The following KIF22 variants were observed in gnomAD, a reference collection of about 807,000 sequenced individuals.
KIF22 encodes kinesin family member 22, also known as kinesin-like protein KIF22.
In KIF22, 62 loss-of-function variants were observed where a neutral mutation model predicts 73.0. The ratio of observed to expected loss-of-function variants is 0.85; its 90% CI spans 0.69 to 1.05. The LOEUF (loss-of-function observed/expected upper bound fraction) is 1.05, where lower values mean the gene tolerates loss of function less well. Among genes scored for constraint, KIF22 ranks in the 50% least tolerant of loss-of-function variants. The probability of loss-of-function intolerance (pLI) is 0.00; values close to 1 mark genes in which losing one functional copy is unlikely to be tolerated. For missense variants in KIF22, 854 were observed against 870.1 expected (o/e 0.98, Z 0.23); for synonymous variants, 411 against 340.1 (o/e 1.21, Z -2.29).
rs1460991001 is a variant in KIF22, at chr16:29,804,991, G to A, written c.1855G>A (p.Val619Met). 1.2e-6 allele frequency: 2 copies of A among 1,610,696 alleles called. No individual in the cohort carries two copies. Among genetic ancestry groups the A allele is most frequent in the African/African-American group, 1.3e-5 (1 of 74,870 alleles). Reference sequence around the variant, plus strand: ...TGGCCCGAAGAAGGCCCAGCTAATCGTGGGCTGGCGGGAGCTCCACGGCCC... The same window carrying A: ...TGGCCCGAAGAAGGCCCAGCTAATCATGGGCTGGCGGGAGCTCCACGGCCC... ...RIGPKKAQLIVGWRELHGPFS... is the reference protein window; with the variant it reads ...RIGPKKAQLIMGWRELHGPFS... Residue 619 changes from valine (V) to methionine (M), a missense_variant, in exon 12 of 14, where the codon GTG becomes ATG. This residue lies in a region of KIF22 where 423 missense variants were observed against 365.4 expected (regional missense o/e 1.16). Coordinates refer to ENST00000160827, the MANE Select transcript of KIF22 (RefSeq NM_007317.3).
intron 1 of KIF22, among the ~76,000 whole-genome samples, chr16:29,796,025 C>T (rs1898940337): frequency 6.6e-6 from 1 of 152,042 alleles, no homozygotes; most frequent in Non-Finnish European, 1.5e-5. Context: ...AATCCTAGCA[C>T]TTTGGGAGGC....
intron 1 of KIF22, chr16:29,792,378 G>C (rs1898840520): frequency 1.0e-6 from 1 of 982,262 alleles, no homozygotes; most frequent in Non-Finnish European, 1.2e-6. Flanking sequence ...GTGAGCCCTG[G>C]GGCAGGAATG....
Position 29,790,781 on chromosome 16 carries a change from C to G in KIF22, c.22C>G (p.Gln8Glu). MAAGGST[Q>E]QRRREMAAAS... is the part of the protein sequence containing the mutation. ...TGGAATGGCCGCGGGCGGCTCGACGCAGCAGAGGCGACGCGAGATGGCGGC... is the reference window on the plus strand; with the variant it reads ...TGGAATGGCCGCGGGCGGCTCGACGGAGCAGAGGCGACGCGAGATGGCGGC... Residue 8 changes from glutamine to glutamate, a missense_variant, in exon 1 of 14, where the codon CAG becomes GAG. Gln to Glu is a conservative substitution (Grantham distance 29, BLOSUM62 2). This residue lies in a region of KIF22 where 186 missense variants were observed against 152.9 expected (regional missense o/e 1.22). Transcript: ENST00000160827. 1 of 1,601,564 alleles carries G rather than the reference C, an allele frequency of 6.2e-7. No individual in the cohort carries two copies. Among genetic ancestry groups the G allele is most frequent in the Non-Finnish European group, 8.5e-7 (1 of 1,174,254 alleles).
In KIF22 at chr16:29,794,639, TG is replaced by T. The variant is rs1261470102; in HGVS notation, c.71-2252del. 3.3e-5 allele frequency among the ~76,000 whole-genome samples: 5 copies of T among 152,268 alleles called. No individual in the cohort carries two copies. In the South Asian group the frequency reaches 1.0e-3, roughly 32 times the overall value. On this transcript the variant is annotated intron_variant, in intron 1 of 13. Coordinates refer to ENST00000160827, the MANE Select transcript of KIF22 (RefSeq NM_007317.3). ...CTCTGTCACCCAGGCTGGAGTGCAG[TG>T]GCGCAATCTCTGCTCACTGCAACCT...
intron 10 of KIF22, 39 bp from the exon 11 acceptor site, chr16:29,803,959 C>T (rs1899238709): frequency 3.3e-6 from 5 of 1,521,814 alleles, no homozygotes; most frequent in South Asian, 1.1e-5. Context: ...GTGAAAAGTA[C>T]CCTTTGCCCT....
At chr16:29,804,609 G>A in intron 11 of KIF22, 1 of 696,438 alleles carries the variant, frequency 1.4e-6, no homozygotes, top group Non-Finnish European at 2.6e-6. Flanking sequence ...TATTACCACT[G>A]GGTACTGAGT....
chr16:29,805,188 C>T lies in KIF22; in HGVS notation c.1950+14C>T. Reference sequence around the variant, plus strand: ...TCCTTCCTGAAGGTGAAGTCACGGCCCTGCCCCTCCTCTGCCTGTCCTGCG... The same window carrying T: ...TCCTTCCTGAAGGTGAAGTCACGGCTCTGCCCCTCCTCTGCCTGTCCTGCG... On this transcript the variant is annotated intron_variant, in intron 13 of 13. Transcript: ENST00000160827. 1 of 1,614,192 alleles carries T rather than the reference C, an allele frequency of 6.2e-7. No homozygotes were observed. Among genetic ancestry groups the T allele is most frequent in the East Asian group, 2.2e-5 (1 of 44,880 alleles).
intron 11 of KIF22, 22 bp downstream of exon 11, chr16:29,804,087 G>A (rs1899245415): frequency 1.3e-6 from 2 of 1,594,950 alleles, no homozygotes; most frequent in East Asian, 2.2e-5. Context: ...TGGGGGCTTA[G>A]GCTACACCTG....
chr16:29,798,286 T>TTGG lies in KIF22; in HGVS notation c.267-88_267-87insTGG. The TTGG allele has an allele frequency of 1.3e-5, 19 of 1,485,568 alleles. No homozygotes were observed. The highest frequency in any genetic ancestry group is 1.5e-5 in the Non-Finnish European group (17 of 1,104,232). 92.0% of individuals were successfully genotyped at this position (1,485,568 alleles called of 1,614,324 possible). On this transcript the variant is annotated intron_variant, in intron 2 of 13. Transcript: ENST00000160827. The surrounding 1 kb of genome is among the most constrained non-coding windows in gnomAD (Gnocchi z 4.1). The stretch of plus-strand genomic sequence containing the variant: ...AGGTCCAGATGAGAGTAGAATCCCT[T>TTGG]ACCCACCCCCACCCCACTCCACCCC...
rs748451917 is a variant in KIF22 at position 29,804,879 on chromosome 16, C to T, written c.1743C>T (p.Ser581=). Residue 581 remains serine, a synonymous_variant, in exon 12 of 14, where the codon AGC becomes AGT. Transcript: ENST00000160827. The part of the protein sequence containing the change: ...KAEDCWELQI[S]PELLAHGRQK... The stretch of plus-strand genomic sequence containing the variant: ...AGGACTGCTGGGAGCTACAGATCAG[C>T]CCGGAGCTACTGGCTCATGGGCGCC... The T allele has an allele frequency of 6.2e-6, 10 of 1,613,410 alleles. No individual in the cohort carries two copies. In the African/African-American group the frequency reaches 1.3e-4, roughly 22 times the overall value.
At position 29,803,300 on chromosome 16, in the gene KIF22, A is replaced by G. The variant is rs540990928; in HGVS notation, c.1450-149A>G. On this transcript the variant is annotated intron_variant, in intron 9 of 13. Coordinates refer to ENST00000160827, the MANE Select transcript of KIF22 (RefSeq NM_007317.3). ...ATCACAGAAAGCCCTTAATTATGTT[A>G]GGCTCCACCTGTCTCCTGGTAACCT... is the stretch of plus-strand genomic sequence containing the variant. 4.7e-6 allele frequency: 4 copies of G among 856,988 alleles called. No homozygotes were observed. The East Asian group carries it at 1.1e-4, about 23-fold the overall frequency. 53.1% of individuals were successfully genotyped at this position (856,988 alleles called of 1,614,324 possible).
In KIF22 at chr16:29,802,756, T is replaced by C; in HGVS notation, c.1281-13T>C. On this transcript the variant is annotated splice_polypyrimidine_tract_variant and intron_variant, in intron 8 of 13. Coordinates refer to ENST00000160827, the MANE Select transcript of KIF22 (RefSeq NM_007317.3). ...GAGGAGGTAGGTGGGGAGCAACTTCTTTTTCTGCTCAGCCCCCTACAGAAG... is the reference window on the plus strand; with the variant it reads ...GAGGAGGTAGGTGGGGAGCAACTTCCTTTTCTGCTCAGCCCCCTACAGAAG... 6.5e-7 allele frequency: 1 copy of C among 1,541,158 alleles called. No homozygotes were observed. Among genetic ancestry groups the C allele is most frequent in the Non-Finnish European group, 8.7e-7 (1 of 1,148,506 alleles).
At chr16:29,791,793 AGAACCTCT>A (rs746229486) in intron 1 of KIF22, among the ~76,000 whole-genome samples, 1 of 152,240 alleles carries the variant, frequency 6.6e-6, no homozygotes, top group Non-Finnish European at 1.5e-5. Flanking sequence ...GTCTGAGTGT[AGAACCTCT>A]GCTCTTAACC....
At chr16:29,802,084 TAGTA>T (rs1185405483) in intron 8 of KIF22, among the ~76,000 whole-genome samples, 1 of 151,648 alleles carries the variant, frequency 6.6e-6, no homozygotes, top group Non-Finnish European at 1.5e-5. Context: ...CTGGGCAACA[TAGTA>T]AGACCCCATC....
intron 1 of KIF22, chr16:29,791,166 G>T (rs866961619): frequency 3.2e-5 from 39 of 1,210,652 alleles, no homozygotes; most frequent in Middle Eastern, 6.6e-4. Context: ...ACCTGAATAA[G>T]CAAGAGAAGA....
intron 1 of KIF22, 93 bp downstream of exon 1, chr16:29,790,922 C>A: frequency 6.6e-7 from 1 of 1,523,220 alleles, no homozygotes; most frequent in Non-Finnish European, 8.9e-7. Context: ...TGCGGGTTGT[C>A]GCGGAGAGGC....
At chr16:29,792,826 A>G (rs1395569339) in intron 1 of KIF22, among the ~76,000 whole-genome samples, 1 of 152,184 alleles carries the variant, frequency 6.6e-6, no homozygotes, top group East Asian at 1.9e-4. Flanking sequence ...GAAATTCATC[A>G]TGACTGGTAA....
chr16:29,804,085 T>G lies in KIF22; in HGVS notation c.1677+20T>G. 1 of 1,599,030 alleles carries G rather than the reference T, an allele frequency of 6.3e-7. No homozygotes were observed. Among genetic ancestry groups the G allele is most frequent in the Non-Finnish European group, 8.6e-7 (1 of 1,166,272 alleles). On this transcript the variant is annotated intron_variant, in intron 11 of 13. Transcript: ENST00000160827. ...AGAAAGGTGAAAGTAGCTGGGGGCT[T>G]AGGCTACACCTGGAGCCCAGAAGTA...
Position 29,805,096 on chromosome 16 carries a change from A to G in KIF22, c.1891-19A>G, listed in dbSNP as rs75393165. On this transcript the variant is annotated intron_variant, in intron 12 of 13. Transcript: ENST00000160827. ...GGGTACCCCCGAGACCCTGTCCCCT[A>G]TCGATCCTGTCCCGCCAGGTGGAGG... The G allele has an allele frequency of 1.1e-3, 1,805 of 1,613,206 alleles. 29 individuals carry two copies. The East Asian group carries it at 0.028, about 25-fold the overall frequency.
Sources: gnomAD v4.1 joint callset for allele counts (sites outside exome capture counted in the v4.1 genomes callset) on GRCh38, gnomAD v4.1.1 for gene constraint, gnomAD v4.1.1 regional missense constraint, Gnocchi (gnomAD v3.1) non-coding constraint, MANE v1.5 for transcripts, NCBI Gene and HGNC (gene_info 2026-07-23, HGNC 2026-07-21) for gene names.